RFPL1: variants seen among roughly 807,000 people sequenced by gnomAD.
The protein encoded by RFPL1 is ret finger protein-like 1.
A neutral mutation model predicts 9.6 loss-of-function variants in RFPL1; 6 were observed. The ratio of observed to expected loss-of-function variants is 0.62; its 90% CI spans 0.34 to 1.23. The LOEUF is 1.23. RFPL1 is among the 50% of genes most tolerant of loss of function. The probability of loss-of-function intolerance (pLI) is 0.03; values close to 1 mark genes in which losing one functional copy is unlikely to be tolerated. For synonymous variants in RFPL1, 145 were observed against 149.4 expected (o/e 0.97, Z 0.22); for missense variants, 352 against 398.4 (o/e 0.88, Z 0.99).
chr22:29,420,626 GTTTTTTGCTTTTTTTT>G, the RFPL1 span, among the ~76,000 whole-genome samples: 4 of 82,588 alleles, frequency 4.8e-5, no homozygotes, highest in Non-Finnish European at 8.5e-5. Context: ...ACTGCAGATG[GTTTTTTGCTTTTTTTT>G]TTTTTTTTTT....
At chr22:29,442,123 G>A (rs746902022) in exon 2 of RFPL1, 1 of 1,520,328 alleles carries the variant, frequency 6.6e-7, no homozygotes, top group East Asian at 2.3e-5. Context: ...GGCCAAATAA[G>A]CCCCCACTGC....
chr22:29,406,359 A>G, the RFPL1 span, among the ~76,000 whole-genome samples: 1 of 151,858 alleles, frequency 6.6e-6, no homozygotes, highest in African/African-American at 2.4e-5. Flanking sequence ...TTAAGCCTTT[A>G]TCTGTATCTC....
chr22:29,400,456 T>G, the RFPL1 span, among the ~76,000 whole-genome samples: 1 of 152,256 alleles, frequency 6.6e-6, no homozygotes, highest in Non-Finnish European at 1.5e-5. Flanking sequence ...TTCTCCCTTC[T>G]TGATTTTGTA....
the RFPL1 span, among the ~76,000 whole-genome samples, chr22:29,418,513 T>C: frequency 6.7e-6 from 1 of 148,362 alleles, no homozygotes. Flanking sequence ...TTTTTTTTTT[T>C]TTTTGAGACT....
chr22:29,440,751 G>GT (rs1304508992), intron 1 of RFPL1: 1 of 151,624 alleles, frequency 6.6e-6, no homozygotes, highest in East Asian at 1.9e-4. Flanking sequence ...TTTTTTGTAT[G>GT]TTTTTTAGTA....
chr22:29,392,174 G>A, the RFPL1 span, among the ~76,000 whole-genome samples: 1 of 152,136 alleles, frequency 6.6e-6, no homozygotes. Flanking sequence ...CTGCCTCCCG[G>A]GCTCAAGCAA....
chr22:29,422,590 T>C, the RFPL1 span, among the ~76,000 whole-genome samples: 2 of 151,956 alleles, frequency 1.3e-5, no homozygotes, highest in East Asian at 3.9e-4. Flanking sequence ...AATAAATAAA[T>C]AAATTAGCTG....
the RFPL1 span, among the ~76,000 whole-genome samples, chr22:29,413,473 G>A: frequency 6.6e-6 from 1 of 152,048 alleles, no homozygotes; most frequent in African/African-American, 2.4e-5. Context: ...ATCAGCAGTG[G>A]ACTTTATAGT....
At chr22:29,408,515 A>G in the RFPL1 span, among the ~76,000 whole-genome samples, 1 of 152,224 alleles carries the variant, frequency 6.6e-6, no homozygotes, top group Non-Finnish European at 1.5e-5. Context: ...CCCATTGAAG[A>G]TGTGCAGGCG....
At chr22:29,411,583 T>C in the RFPL1 span, among the ~76,000 whole-genome samples, 2 of 151,278 alleles carry the variant, frequency 1.3e-5, no homozygotes, top group African/African-American at 4.9e-5. Flanking sequence ...TCTCAGCCAC[T>C]TTTACCTTAA....
chr22:29,401,528 A>G, the RFPL1 span, among the ~76,000 whole-genome samples: 1 of 152,232 alleles, frequency 6.6e-6, no homozygotes, highest in South Asian at 2.1e-4. Flanking sequence ...CCATCAAACT[A>G]GGGCCTTAGC....
At chr22:29,439,415 C>T (rs1261003531) in intron 1 of RFPL1, 21 of 555,304 alleles carry the variant, frequency 3.8e-5, no homozygotes, top group Admixed American at 9.5e-5. Context: ...GGGTGGATCA[C>T]GAGGTCAGGA....
At chr22:29,419,081 C>G in the RFPL1 span, 11 of 815,090 alleles carry the variant, frequency 1.3e-5, no homozygotes, top group Non-Finnish European at 2.4e-5. Context: ...AAAGGAGAGA[C>G]TGAAGTGGAC....
chr22:29,410,140 T>C, the RFPL1 span, among the ~76,000 whole-genome samples: 64 of 149,902 alleles, frequency 4.3e-4, no homozygotes, highest in African/African-American at 1.5e-3. Flanking sequence ...CCCAGCATGA[T>C]CTAATCCTCA....
At chr22:29,426,806 TTCCTTA>T in the RFPL1 span, among the ~76,000 whole-genome samples, 2 of 152,200 alleles carry the variant, frequency 1.3e-5, no homozygotes, top group African/African-American at 2.4e-5. Context: ...ATCCTCCTGT[TTCCTTA>T]TTTTTGTCCT....
the RFPL1 span, among the ~76,000 whole-genome samples, chr22:29,417,945 T>TG: frequency 1.3e-5 from 2 of 150,388 alleles, 1 homozygote; most frequent in Non-Finnish European, 3.0e-5. Context: ...ATGGTTTTTT[T>TG]TTTTTTTTTT....
At chr22:29,432,692 C>A in the RFPL1 span, among the ~76,000 whole-genome samples, 1 of 152,220 alleles carries the variant, frequency 6.6e-6, no homozygotes, top group Admixed American at 6.5e-5. Flanking sequence ...TGGGCCTAGA[C>A]CCTTCACAAC....
the RFPL1 span, among the ~76,000 whole-genome samples, chr22:29,421,793 C>A: frequency 6.6e-6 from 1 of 151,652 alleles, no homozygotes; most frequent in African/African-American, 2.4e-5. Context: ...CTCCCACAGT[C>A]CCCCCTGGAC....
At chr22:29,396,937 C>G in the RFPL1 span, among the ~76,000 whole-genome samples, 4 of 126,944 alleles carry the variant, frequency 3.2e-5, no homozygotes, top group Non-Finnish European at 6.3e-5. Context: ...GACGGAGTCT[C>G]GCTGTGTCGC....
Sources: gnomAD v4.1 joint callset for allele counts (sites outside exome capture counted in the v4.1 genomes callset) on GRCh38, gnomAD v4.1.1 for gene constraint, MANE v1.5 for transcripts, NCBI Gene and HGNC (gene_info 2026-07-23, HGNC 2026-07-21) for gene names.